The following NBAS variants were observed in gnomAD, a reference collection of about 807,000 sequenced individuals.
NBAS encodes NBAS subunit of NRZ tethering complex.
NBAS carries 219 observed loss-of-function variants against 302.5 expected under a neutral mutation model. The observed-to-expected ratio is 0.72, with a 90% CI of 0.65 to 0.81. The LOEUF is 0.81. NBAS is among the 30% of genes least tolerant of loss of function. The pLI is 0.00. For synonymous variants in NBAS, 1,118 were observed against 1,021.6 expected (o/e 1.09, Z -1.80); for missense variants, 2,932 against 2,841.6 (o/e 1.03, Z -0.72).
At chr2:15,181,119 A>T (rs2125121496) in intron 50 of NBAS, among the ~76,000 whole-genome samples, 1 of 152,350 alleles carries the variant, frequency 6.6e-6, no homozygotes, top group Non-Finnish European at 1.5e-5. Context: ...TGCTTGGTAC[A>T]TGCCATACCT....
chr2:15,399,323 G>A (rs1035663118), intron 26 of NBAS, among the ~76,000 whole-genome samples: 8 of 152,098 alleles, frequency 5.3e-5, no homozygotes, highest in East Asian at 1.9e-4. Context: ...TCCAGCTCTC[G>A]GAGGAACCAG....
chr2:15,350,190 T>C (rs534172213), intron 35 of NBAS, among the ~76,000 whole-genome samples: 5 of 152,194 alleles, frequency 3.3e-5, no homozygotes, highest in South Asian at 4.1e-4. Context: ...ATTCCACCAA[T>C]AGACTCCACA....
intron 21 of NBAS, among the ~76,000 whole-genome samples, chr2:15,441,568 A>G: frequency 6.6e-6 from 1 of 152,088 alleles, no homozygotes; most frequent in East Asian, 1.9e-4. Flanking sequence ...AAATGTAAAG[A>G]CCATCGAGAC....
chr2:15,499,824 C>T (rs558226787), intron 11 of NBAS, among the ~76,000 whole-genome samples: 4 of 152,078 alleles, frequency 2.6e-5, no homozygotes, highest in South Asian at 2.1e-4. Context: ...TATTTTAAAA[C>T]GTTTTGAGAA....
the NBAS span, among the ~76,000 whole-genome samples, chr2:14,843,622 A>ACAGTACCT: frequency 6.6e-6 from 1 of 151,926 alleles, no homozygotes; most frequent in African/African-American, 2.4e-5. Context: ...GTGAGTACTC[A>ACAGTACCT]CAGTACCTCA....
chr2:14,889,585 C>CACAAAA, the NBAS span, among the ~76,000 whole-genome samples: 1 of 152,332 alleles, frequency 6.6e-6, no homozygotes, highest in East Asian at 1.9e-4. Flanking sequence ...CTCCACATTC[C>CACAAAA]TACCATACAG....
At chr2:14,849,198 T>G in the NBAS span, among the ~76,000 whole-genome samples, 14 of 146,916 alleles carry the variant, frequency 9.5e-5, no homozygotes, top group African/African-American at 3.5e-4. Context: ...GAAGAATGTA[T>G]AACTAGAATA....
At chr2:15,041,878 G>A in the NBAS span, among the ~76,000 whole-genome samples, 2 of 151,902 alleles carry the variant, frequency 1.3e-5, no homozygotes, top group South Asian at 4.2e-4. Flanking sequence ...TCTACTACAT[G>A]GAAATAAGGC....
the NBAS span, among the ~76,000 whole-genome samples, chr2:15,015,301 A>G: frequency 6.6e-6 from 1 of 151,968 alleles, no homozygotes; most frequent in African/African-American, 2.4e-5. Flanking sequence ...AAACTCTAAT[A>G]CCAAAACAAA....
intron 16 of NBAS, 97 bp from the exon 17 acceptor site, chr2:15,468,630 T>A (rs1679827723): frequency 7.2e-7 from 1 of 1,393,084 alleles, no homozygotes; most frequent in African/African-American, 1.4e-5. Context: ...ACCTGATGTA[T>A]TACAGCTATT....
At chr2:15,508,060 C>T (rs1425697828) in intron 10 of NBAS, among the ~76,000 whole-genome samples, 1 of 152,134 alleles carries the variant, frequency 6.6e-6, no homozygotes, top group Admixed American at 6.5e-5. Flanking sequence ...ATCCCATAAC[C>T]TCAAATTATT....
rs111306949 is a variant in NBAS at position 15,346,526 on chromosome 2, A to G, written c.4179+5466T>C. Among the ~76,000 whole-genome samples, 19 of 152,310 alleles carry G rather than the reference A, an allele frequency of 1.2e-4. No individual in the cohort carries two copies. In the East Asian group the frequency reaches 3.3e-3, roughly 26 times the overall value. ...AATAGATGCTGGCAAGGCTGTGAAG[A>G]AATAGGAATGCTTTTACACTGTTGG... On this transcript the variant is annotated intron_variant, in intron 35 of 51. Transcript: ENST00000281513.
intron 44 of NBAS, among the ~76,000 whole-genome samples, chr2:15,261,415 AAC>A (rs1260359527): frequency 2.0e-5 from 3 of 152,260 alleles, no homozygotes; most frequent in Admixed American, 6.5e-5. Context: ...AAAATATTCA[AAC>A]ACAAAAATAA....
intron 11 of NBAS, among the ~76,000 whole-genome samples, chr2:15,493,007 G>A (rs1680927476): frequency 6.6e-6 from 1 of 152,120 alleles, no homozygotes; most frequent in Non-Finnish European, 1.5e-5. Context: ...GTCAGGGGAG[G>A]GACCTAGTGG....
chr2:15,305,283 G>T (rs558016711), intron 40 of NBAS, among the ~76,000 whole-genome samples: 1 of 151,874 alleles, frequency 6.6e-6, no homozygotes, highest in African/African-American at 2.4e-5. Flanking sequence ...GGCTCTTCCC[G>T]CTTTGCTTGG....
At chr2:15,068,260 T>TGAGCGTTAATGACA in the NBAS span, among the ~76,000 whole-genome samples, 7 of 152,234 alleles carry the variant, frequency 4.6e-5, no homozygotes, top group Admixed American at 1.3e-4. Flanking sequence ...TAGTCTGTTG[T>TGAGCGTTAATGACA]GAGCGTTAAT....
intron 49 of NBAS, among the ~76,000 whole-genome samples, chr2:15,189,889 T>C (rs575434040): frequency 1.0e-3 from 158 of 152,320 alleles, no homozygotes; most frequent in African/African-American, 3.6e-3. Context: ...GCACATAACA[T>C]TGTGTTCTCA....
chr2:15,028,481 A>G, the NBAS span, among the ~76,000 whole-genome samples: 1 of 152,244 alleles, frequency 6.6e-6, no homozygotes, highest in Non-Finnish European at 1.5e-5. Context: ...TTATCTTTTT[A>G]AAACATAAAT....
chr2:15,028,208 T>A, the NBAS span, among the ~76,000 whole-genome samples: 1 of 152,252 alleles, frequency 6.6e-6, no homozygotes, highest in South Asian at 2.1e-4. Flanking sequence ...AAACAACAGA[T>A]AATTGCATTG....
Sources: gnomAD v4.1 joint callset for allele counts (sites outside exome capture counted in the v4.1 genomes callset) on GRCh38, gnomAD v4.1.1 for gene constraint, MANE v1.5 for transcripts, NCBI Gene and HGNC (gene_info 2026-07-23, HGNC 2026-07-21) for gene names.